NLGN1: variants seen among roughly 807,000 people sequenced by gnomAD.
NLGN1 encodes the protein neuroligin 1.
Under a neutral mutation model 65.5 loss-of-function variants are expected in NLGN1, and 12 were observed. That is an observed-to-expected ratio of 0.18 (90% CI 0.12 to 0.30). The LOEUF is 0.30. NLGN1 is among the 10% of genes least tolerant of loss of function. NLGN1 has a pLI of 1.00. For synonymous variants in NLGN1, 350 were observed against 359.5 expected (o/e 0.97, Z 0.30); for missense variants, 750 against 1,007.1 (o/e 0.74, Z 3.46).
intron 4 of NLGN1, among the ~76,000 whole-genome samples, chr3:174,175,823 C>T (rs1729347908): frequency 6.6e-6 from 1 of 151,916 alleles, no homozygotes; most frequent in Non-Finnish European, 1.5e-5. Flanking sequence ...CTACACCAAT[C>T]CTGTAGGTCT....
chr3:174,293,429 G>A, the NLGN1 span, among the ~76,000 whole-genome samples: 747 of 151,432 alleles, frequency 4.9e-3, 3 homozygotes, highest in African/African-American at 0.017. Flanking sequence ...TTTATTAATT[G>A]AAAGGACCCG....
intron 4 of NLGN1, among the ~76,000 whole-genome samples, chr3:174,272,586 T>C (rs1315181791): frequency 2.0e-5 from 3 of 151,512 alleles, no homozygotes; most frequent in Non-Finnish European, 4.4e-5. Context: ...TTTTTCCTAA[T>C]ATAAAACCCA....
At chr3:173,894,235 T>TACTAGAGGCCAACATCAA (rs1463508585) in intron 4 of NLGN1, among the ~76,000 whole-genome samples, 2 of 152,180 alleles carry the variant, frequency 1.3e-5, no homozygotes, top group East Asian at 3.9e-4. Flanking sequence ...AGTGTAGTCC[T>TACTAGAGGCCAACATCAA]ACTAGAGGCC....
intron 4 of NLGN1, among the ~76,000 whole-genome samples, chr3:174,108,515 G>A (rs994303337): frequency 6.6e-6 from 1 of 150,956 alleles, no homozygotes; most frequent in Non-Finnish European, 1.5e-5. Flanking sequence ...TACTTAAAGA[G>A]GTGAAGAAAA....
At chr3:173,892,245 C>T (rs1389115137) in intron 4 of NLGN1, among the ~76,000 whole-genome samples, 1 of 151,034 alleles carries the variant, frequency 6.6e-6, no homozygotes, top group Admixed American at 6.6e-5. Flanking sequence ...CTGCTTGGGC[C>T]TGTGAAAACT....
chr3:173,576,376 A>G (rs1745505156), intron 2 of NLGN1, among the ~76,000 whole-genome samples: 3 of 152,204 alleles, frequency 2.0e-5, no homozygotes, highest in South Asian at 2.1e-4. Context: ...GCTAAAAACA[A>G]CACAAATTTA....
intron 4 of NLGN1, among the ~76,000 whole-genome samples, chr3:173,872,728 G>A (rs1186050786): frequency 1.3e-5 from 2 of 152,076 alleles, no homozygotes; most frequent in Non-Finnish European, 2.9e-5. Context: ...AAGGATTTTA[G>A]TGTTCAATTT....
chr3:173,848,077 A>G (rs569374607), intron 4 of NLGN1, among the ~76,000 whole-genome samples: 54 of 152,140 alleles, frequency 3.5e-4, no homozygotes, highest in Non-Finnish European at 6.2e-4. Context: ...ACCTGGGTTC[A>G]GATTATAGAG....
At chr3:173,946,740 C>T (rs1024912644) in intron 4 of NLGN1, among the ~76,000 whole-genome samples, 3 of 152,198 alleles carry the variant, frequency 2.0e-5, no homozygotes, top group South Asian at 2.1e-4. Context: ...GTCCTCTACT[C>T]AGTGGGACTC....
intron 5 of NLGN1, 151 bp downstream of exon 5, chr3:174,275,678 A>ATGTT: frequency 9.7e-6 from 6 of 615,932 alleles, no homozygotes; most frequent in African/African-American, 1.9e-5. Flanking sequence ...TTTTCTGTGC[A>ATGTT]TGTTTAAATT....
rs141597364 is a variant in NLGN1, at chr3:173,769,661, G to A, written c.494-38019G>A. On this transcript the variant is annotated intron_variant, in intron 3 of 6. Coordinates refer to ENST00000457714, the Ensembl canonical transcript of NLGN1. ...TCCAAGGCCTGGCACAAATTACAGA[G>A]GGCAGGATTGGAGATGGAATGTGGG... Among the ~76,000 whole-genome samples, 395 of 152,288 alleles carry A rather than the reference G, an allele frequency of 2.6e-3. 2 individuals carry two copies. The highest frequency in any genetic ancestry group is 0.01 in the Middle Eastern group (3 of 294).
intron 4 of NLGN1, among the ~76,000 whole-genome samples, chr3:174,001,951 G>A (rs1345695006): frequency 6.6e-6 from 1 of 151,572 alleles, no homozygotes; most frequent in Non-Finnish European, 1.5e-5. Context: ...AAACTCTGAT[G>A]TAGAAAGAAA....
chr3:173,825,166 A>G (rs886115320), intron 4 of NLGN1, among the ~76,000 whole-genome samples: 11 of 152,022 alleles, frequency 7.2e-5, no homozygotes, highest in Non-Finnish European at 1.3e-4. Flanking sequence ...ACTTTATAAG[A>G]ATTCAGGTTA....
At chr3:174,243,199 A>G (rs1470889738) in intron 4 of NLGN1, among the ~76,000 whole-genome samples, 2 of 152,194 alleles carry the variant, frequency 1.3e-5, no homozygotes, top group African/African-American at 4.8e-5. Flanking sequence ...AATACCCAAA[A>G]AGAAAGTATG....
At chr3:173,804,941 G>A (rs1716317112) in intron 3 of NLGN1, among the ~76,000 whole-genome samples, 1 of 152,110 alleles carries the variant, frequency 6.6e-6, no homozygotes, top group Non-Finnish European at 1.5e-5. Flanking sequence ...CAGGAGAATA[G>A]CTTGAACACT....
chr3:173,862,505 CAAAAAAAAA>C (rs10601211), intron 4 of NLGN1, among the ~76,000 whole-genome samples: 2 of 41,706 alleles, frequency 4.8e-5, no homozygotes, highest in Non-Finnish European at 9.9e-5. Flanking sequence ...GACTCCGTCT[CAAAAAAAAA>C]AAAAAAAAAA....
At chr3:174,058,651 A>G (rs1318129426) in intron 4 of NLGN1, among the ~76,000 whole-genome samples, 1 of 152,154 alleles carries the variant, frequency 6.6e-6, no homozygotes, top group African/African-American at 2.4e-5. Context: ...CATTTTGAAA[A>G]TTAATAAAAC....
At chr3:174,257,553 A>G (rs771796607) in intron 4 of NLGN1, among the ~76,000 whole-genome samples, 17 of 152,170 alleles carry the variant, frequency 1.1e-4, no homozygotes, top group Non-Finnish European at 1.9e-4. Context: ...GGGGGTACAT[A>G]TAGGCCATGG....
At chr3:174,088,591 A>G (rs1251457501) in intron 4 of NLGN1, among the ~76,000 whole-genome samples, 2 of 151,818 alleles carry the variant, frequency 1.3e-5, no homozygotes, top group Non-Finnish European at 2.9e-5. Context: ...CGTCTCTACT[A>G]AAAATACAAA....
Sources: allele counts gnomAD v4.1 joint callset (sites outside exome capture counted in the v4.1 genomes callset), GRCh38; gene constraint gnomAD v4.1.1; transcripts MANE v1.5; gene names NCBI Gene and HGNC (gene_info 2026-07-23, HGNC 2026-07-21).